The following CMIP variants were observed in gnomAD, a reference collection of about 807,000 sequenced individuals.
CMIP encodes C-Maf-inducing protein.
Under a neutral mutation model 97.3 loss-of-function variants are expected in CMIP, and 13 were observed. The observed-to-expected ratio is 0.13, with a 90% CI of 0.09 to 0.21. The LOEUF (loss-of-function observed/expected upper bound fraction) is 0.21. CMIP is among the 10% of genes least tolerant of loss of function. The pLI is 1.00. For synonymous variants in CMIP, 538 were observed against 436.3 expected, an observed-to-expected ratio of 1.23 and a Z score of -2.91; for missense variants, 847 against 1,024.9, an observed-to-expected ratio of 0.83 and a Z score of 2.37.
intron 1 of CMIP, among the ~76,000 whole-genome samples, chr16:81,457,935 C>A (rs371503143): frequency 6.6e-6 from 1 of 152,310 alleles, no homozygotes; most frequent in East Asian, 1.9e-4. Context: ...ACCTTTGATC[C>A]CTCCCGACTG....
intron 7 of CMIP, among the ~76,000 whole-genome samples, chr16:81,668,668 C>T (rs1178302272): frequency 6.6e-6 from 1 of 152,086 alleles, no homozygotes; most frequent in Non-Finnish European, 1.5e-5. Flanking sequence ...GATGGGGCCT[C>T]CAACCAGGGT....
chr16:81,648,542 G>A (rs929400780), intron 3 of CMIP, among the ~76,000 whole-genome samples: 1 of 152,068 alleles, frequency 6.6e-6, no homozygotes, highest in African/African-American at 2.4e-5. Context: ...CCAGCACTTT[G>A]GGAGGCCGAG....
intron 13 of CMIP, 100 bp from the exon 14 acceptor site, chr16:81,696,460 G>C (rs1906728665): frequency 8.4e-7 from 1 of 1,194,074 alleles, no homozygotes; most frequent in African/African-American, 1.5e-5. Flanking sequence ...CTTGACTGCA[G>C]GACTTGCCTG....
intron 18 of CMIP, 34 bp downstream of exon 18, chr16:81,704,119 C>G (rs755022140): frequency 6.3e-7 from 1 of 1,582,224 alleles, no homozygotes; most frequent in Admixed American, 1.7e-5. Flanking sequence ...GTCCCCCACA[C>G]CCTCCTCCTT....
chr16:81,696,368 GC>G (rs1906719521), intron 13 of CMIP, 191 bp from the exon 14 acceptor site: 3 of 636,510 alleles, frequency 4.7e-6, no homozygotes, highest in Non-Finnish European at 8.4e-6. Context: ...GGGTGTGGGG[GC>G]CACGGTATTT....
Position 81,701,768 on chromosome 16 carries a change from C to T in CMIP, c.1864C>T (p.Leu622=). Residue 622 remains leucine, a synonymous_variant, in exon 16 of 21, where the codon CTG becomes TTG. Transcript: ENST00000537098. Reference sequence around the variant, plus strand: ...CGTGGGGAAGCGCATGTACGAGCAGCTGTGTGACCGGCAGCGGGAGCTGAA... The same window carrying T: ...CGTGGGGAAGCGCATGTACGAGCAGTTGTGTGACCGGCAGCGGGAGCTGAA... ...TDVGKRMYEQ[L]CDRQRELKEL... 2 of 1,613,828 alleles carry T rather than the reference C, an allele frequency of 1.2e-6. No individual in the cohort carries two copies. Among genetic ancestry groups the T allele is most frequent in the Non-Finnish European group, 1.7e-6 (2 of 1,179,884 alleles).
At chr16:81,608,070 T>G (rs944080775) in intron 2 of CMIP, among the ~76,000 whole-genome samples, 10 of 152,216 alleles carry the variant, frequency 6.6e-5, no homozygotes, top group African/African-American at 2.4e-4. Context: ...ATACTGACTT[T>G]TTGCATTACT....
chr16:81,526,310 C>T (rs1170961247), intron 1 of CMIP, among the ~76,000 whole-genome samples: 1 of 152,218 alleles, frequency 6.6e-6, no homozygotes, highest in Non-Finnish European at 1.5e-5. Context: ...TTTATGGTCA[C>T]CAACCTGTAA....
rs1017053273 is a variant in CMIP, at chr16:81,711,141, C to T, written c.*1342C>T. On this transcript the variant is annotated 3_prime_UTR_variant, in exon 21 of 21. Transcript: ENST00000537098. ...ACAGTCGGCTTTTTCTTAATAAGCC[C>T]TCACTGTACAGAACAGCCCGTTGAT... 1 of 152,280 alleles carries T rather than the reference C, an allele frequency of 6.6e-6. No homozygotes were observed. The highest frequency in any genetic ancestry group is 2.4e-5 in the African/African-American group (1 of 41,314). The allele number at this position is 152,280 out of a possible 1,614,324, so 9.4% of individuals were successfully genotyped here.
At chr16:81,678,843 G>C (rs1020065964) in intron 10 of CMIP, among the ~76,000 whole-genome samples, 1 of 152,260 alleles carries the variant, frequency 6.6e-6, no homozygotes, top group Non-Finnish European at 1.5e-5. Context: ...TGTACAAGTG[G>C]GTGAGGCACA....
chr16:81,620,052 C>T (rs6564903), intron 2 of CMIP: 76,724 of 152,026 alleles, frequency 0.5, 19,973 homozygotes, highest in East Asian at 0.79. Flanking sequence ...GGCTGCATTT[C>T]TGACCACCTG....
intron 3 of CMIP, among the ~76,000 whole-genome samples, chr16:81,642,441 A>G (rs1346832406): frequency 1.3e-5 from 2 of 152,204 alleles, no homozygotes; most frequent in Non-Finnish European, 2.9e-5. Flanking sequence ...CAGGTAACAG[A>G]GTTCAGTAAT....
At chr16:81,491,733 G>T (rs143487029) in intron 1 of CMIP, among the ~76,000 whole-genome samples, 3 of 152,162 alleles carry the variant, frequency 2.0e-5, no homozygotes, top group African/African-American at 7.2e-5. Flanking sequence ...ACCCTTCCCT[G>T]TCTGAACTCG....
At chr16:81,566,917 C>G (rs2090993637) in intron 1 of CMIP, among the ~76,000 whole-genome samples, 1 of 152,174 alleles carries the variant, frequency 6.6e-6, no homozygotes, top group Non-Finnish European at 1.5e-5. Context: ...ATAGGAAGTT[C>G]AAGGTCAGAC....
At chr16:81,649,946 T>C (rs2092408082) in intron 3 of CMIP, among the ~76,000 whole-genome samples, 1 of 152,248 alleles carries the variant, frequency 6.6e-6, no homozygotes. Context: ...TGTTGGGTTT[T>C]GCACAGATAT....
At chr16:81,581,332 G>A (rs537511744) in intron 1 of CMIP, among the ~76,000 whole-genome samples, 1 of 152,300 alleles carries the variant, frequency 6.6e-6, no homozygotes, top group East Asian at 1.9e-4. Context: ...GAACATCCTG[G>A]AGTGTGCTCA....
intron 1 of CMIP, among the ~76,000 whole-genome samples, chr16:81,474,913 A>C (rs1907803523): frequency 1.3e-5 from 2 of 152,164 alleles, no homozygotes; most frequent in African/African-American, 4.8e-5. Context: ...CTGCTGGTGG[A>C]CTGAATGTGG....
At chr16:81,638,375 C>A (rs1048352796) in intron 3 of CMIP, among the ~76,000 whole-genome samples, 2 of 152,170 alleles carry the variant, frequency 1.3e-5, no homozygotes, top group Non-Finnish European at 2.9e-5. Context: ...GGGCACAGCC[C>A]TCCCCCCAGA....
chr16:81,642,668 G>A (rs1488050609), intron 3 of CMIP, among the ~76,000 whole-genome samples: 3 of 152,106 alleles, frequency 2.0e-5, no homozygotes, highest in South Asian at 2.1e-4. Context: ...TGCCGGGCGC[G>A]GTGGCTCTCC....
Sources: gnomAD v4.1 joint callset for allele counts (sites outside exome capture counted in the v4.1 genomes callset) on GRCh38, gnomAD v4.1.1 for gene constraint, MANE v1.5 for transcripts, NCBI Gene and HGNC (gene_info 2026-07-23, HGNC 2026-07-21) for gene names.